TTLL5: variants seen among roughly 807,000 people sequenced by gnomAD.
TTLL5 encodes tubulin tyrosine ligase like 5.
TTLL5 carries 132 observed loss-of-function variants against 168.4 expected under a neutral mutation model. The ratio of observed to expected loss-of-function variants is 0.78; its 90% confidence interval spans 0.68 to 0.91. The LOEUF (loss-of-function observed/expected upper bound fraction) is 0.91. TTLL5 is among the 40% of genes least tolerant of loss of function. The pLI is 0.00. For missense variants in TTLL5, 1,545 were observed against 1,581.5 expected (o/e 0.98, Z 0.39); for synonymous variants, 546 against 558.6 (o/e 0.98, Z 0.32).
At chr14:75,697,642 G>T (rs1465160958) in intron 6 of TTLL5, among the ~76,000 whole-genome samples, 1 of 152,188 alleles carries the variant, frequency 6.6e-6, no homozygotes, top group Non-Finnish European at 1.5e-5. Context: ...CTGGGAAAAG[G>T]AGCTGAGCCT....
In TTLL5 at chr14:75,717,845, G is replaced by A. The variant is rs776464493; in HGVS notation, c.741-16G>A. On this transcript the variant is annotated splice_polypyrimidine_tract_variant and intron_variant, in intron 9 of 31. Transcript: ENST00000298832. ...AAACTCTGTTCCTGGCATTTAACCTGTTTCCCTTCTATCAGGTTTGCAACT... is the reference window on the plus strand; with the variant it reads ...AAACTCTGTTCCTGGCATTTAACCTATTTCCCTTCTATCAGGTTTGCAACT... The A allele has an allele frequency of 1.2e-6, 2 of 1,612,304 alleles. No homozygotes were observed. Among genetic ancestry groups the A allele is most frequent in the African/African-American group, 1.3e-5 (1 of 74,866 alleles).
In TTLL5 at chr14:75,727,223, C is replaced by T. The variant is rs114610081; in HGVS notation, c.1043-5115C>T. On this transcript the variant is annotated intron_variant, in intron 12 of 31. Coordinates refer to ENST00000298832, the MANE Select transcript of TTLL5 (RefSeq NM_015072.5). ...GAAGAACCGAAACCATATGTTTATA[C>T]GAATATCTGTATACAAATGTTTATA... is the stretch of plus-strand genomic sequence containing the variant. 8.6e-3 allele frequency among the ~76,000 whole-genome samples: 1,305 copies of T among 152,182 alleles called. 17 individuals carry two copies. The highest frequency in any genetic ancestry group is 0.03 in the African/African-American group (1,231 of 41,526).
intron 28 of TTLL5, among the ~76,000 whole-genome samples, chr14:75,824,929 A>G (rs1895039972): frequency 6.6e-6 from 1 of 152,178 alleles, no homozygotes; most frequent in Non-Finnish European, 1.5e-5. Context: ...TGGGCCCAGC[A>G]ATTTCTGTTA....
chr14:75,902,046 A>G, intron 30 of TTLL5, 96 bp from the exon 31 acceptor site: 2 of 996,016 alleles, frequency 2.0e-6, no homozygotes, highest in Non-Finnish European at 3.2e-6. Flanking sequence ...GCCACAGGAG[A>G]AGCAGCACCA....
intron 28 of TTLL5, among the ~76,000 whole-genome samples, chr14:75,863,331 C>T (rs2030190725): frequency 6.6e-6 from 1 of 152,204 alleles, no homozygotes; most frequent in East Asian, 1.9e-4. Flanking sequence ...GCATTGGAAG[C>T]TCTCTGGACT....
At chr14:75,942,180 C>G (rs1394233727) in intron 31 of TTLL5, among the ~76,000 whole-genome samples, 1 of 53,858 alleles carries the variant, frequency 1.9e-5, no homozygotes, top group African/African-American at 9.4e-5. Context: ...AAGACTCTGT[C>G]TCAAAAAAAA....
intron 28 of TTLL5, among the ~76,000 whole-genome samples, chr14:75,832,267 A>C (rs191117266): frequency 6.6e-6 from 1 of 152,246 alleles, no homozygotes; most frequent in Admixed American, 6.5e-5. Flanking sequence ...GGTAGAATAC[A>C]CCTTTAAGGC....
intron 26 of TTLL5, among the ~76,000 whole-genome samples, chr14:75,789,948 T>C (rs1468219918): frequency 6.6e-6 from 1 of 152,120 alleles, no homozygotes; most frequent in Non-Finnish European, 1.5e-5. Flanking sequence ...GAGCACCTTA[T>C]TAATATAAAG....
At chr14:75,685,769 G>A (rs1401895053) in intron 5 of TTLL5, among the ~76,000 whole-genome samples, 1 of 152,172 alleles carries the variant, frequency 6.6e-6, no homozygotes, top group African/African-American at 2.4e-5. Flanking sequence ...AGGTAAATAT[G>A]TACCTAGAAA....
intron 31 of TTLL5, among the ~76,000 whole-genome samples, chr14:75,919,158 G>A (rs555831755): frequency 2.6e-5 from 3 of 116,354 alleles, no homozygotes; most frequent in East Asian, 2.9e-4. Flanking sequence ...CTGAGATCAC[G>A]CCACTGCACT....
In TTLL5 at chr14:75,872,310, A is replaced by G. The variant is rs138843779; in HGVS notation, c.3522+8448A>G. 1.2e-3 allele frequency among the ~76,000 whole-genome samples: 185 copies of G among 152,364 alleles called. 3 individuals are homozygous for G. Among genetic ancestry groups the G allele is most frequent in the East Asian group, 9.4e-3 (49 of 5,192 alleles). On this transcript the variant is annotated intron_variant, in intron 29 of 31. Transcript: ENST00000298832. The stretch of plus-strand genomic sequence containing the variant: ...TCTGGTGGAAACTGGACACATTTCT[A>G]CGTTTGCTTTAGAAAAGAGATATGA...
At chr14:75,930,614 C>G (rs894418655) in intron 31 of TTLL5, 20 of 985,150 alleles carry the variant, frequency 2.0e-5, no homozygotes, top group Non-Finnish European at 2.3e-5. Flanking sequence ...ACAAGAAATT[C>G]ACGGAACAAG....
At chr14:75,765,438 CTG>C (rs1263761862) in intron 19 of TTLL5, among the ~76,000 whole-genome samples, 6 of 152,136 alleles carry the variant, frequency 3.9e-5, no homozygotes, top group Non-Finnish European at 8.8e-5. Context: ...CTCTAATACA[CTG>C]TAGAAATTAC....
At chr14:75,779,249 A>G (rs893982068) in intron 23 of TTLL5, among the ~76,000 whole-genome samples, 7 of 152,218 alleles carry the variant, frequency 4.6e-5, no homozygotes, top group African/African-American at 2.4e-5. Flanking sequence ...GTGGGTGACT[A>G]CTGAACACTT....
chr14:75,705,194 A>G (rs1395225453), intron 7 of TTLL5, among the ~76,000 whole-genome samples: 1 of 152,222 alleles, frequency 6.6e-6, no homozygotes, highest in Non-Finnish European at 1.5e-5. Flanking sequence ...TTAGGGATGA[A>G]TCAGTAATGA....
chr14:75,743,725 G>A (rs1170508735), intron 15 of TTLL5, among the ~76,000 whole-genome samples: 4 of 151,770 alleles, frequency 2.6e-5, no homozygotes, highest in Admixed American at 2.0e-4. Flanking sequence ...GGGACTACAG[G>A]TGCCCGCCAC....
chr14:75,784,665 A>G (rs1221407070), intron 26 of TTLL5, among the ~76,000 whole-genome samples: 4 of 152,216 alleles, frequency 2.6e-5, no homozygotes, highest in Non-Finnish European at 5.9e-5. Context: ...AGGAACTTCT[A>G]AACTGTTTTC....
intron 31 of TTLL5, among the ~76,000 whole-genome samples, chr14:75,915,857 G>T (rs985242082): frequency 6.6e-6 from 1 of 152,182 alleles, no homozygotes; most frequent in Non-Finnish European, 1.5e-5. Context: ...GTCGGACATG[G>T]TGGCTCCTGC....
At chr14:75,669,670 C>T (rs1883563616) in intron 3 of TTLL5, 148 bp downstream of exon 3, 2 of 496,436 alleles carry the variant, frequency 4.0e-6, no homozygotes, top group Non-Finnish European at 6.6e-6. Flanking sequence ...ATTATAATTT[C>T]TTAAATTGTT....
Sources: allele counts gnomAD v4.1 joint callset (sites outside exome capture counted in the v4.1 genomes callset), GRCh38; gene constraint gnomAD v4.1.1; transcripts MANE v1.5; gene names NCBI Gene and HGNC (gene_info 2026-07-23, HGNC 2026-07-21).